The following FBLN7 variants were observed in gnomAD, a reference collection of about 807,000 sequenced individuals.
FBLN7 encodes fibulin 7.
In FBLN7, 31 loss-of-function variants were observed where a neutral mutation model predicts 44.0. The observed-to-expected ratio is 0.70, with a 90% CI of 0.53 to 0.95. The LOEUF is 0.95. Among genes scored for constraint, FBLN7 ranks in the 40% least tolerant of loss-of-function variants. FBLN7 has a pLI of 0.00. For synonymous variants in FBLN7, 262 were observed against 253.4 expected, an observed-to-expected ratio of 1.03 and a Z score of -0.32; for missense variants, 573 against 618.5, an observed-to-expected ratio of 0.93 and a Z score of 0.78.
the FBLN7 span, among the ~76,000 whole-genome samples, chr2:112,207,477 A>AG: frequency 6.6e-6 from 1 of 152,030 alleles, no homozygotes; most frequent in African/African-American, 2.4e-5. Flanking sequence ...AAAAAAAAAA[A>AG]AAAAAGAATG....
At chr2:112,231,797 TAAAAAA>T in the FBLN7 span, 1 of 1,341,984 alleles carries the variant, frequency 7.5e-7, no homozygotes, top group Non-Finnish European at 1.0e-6. Context: ...ACATATTCCT[TAAAAAA>T]GAAAAAACAA....
At chr2:112,212,612 C>G in the FBLN7 span, 1 of 152,226 alleles carries the variant, frequency 6.6e-6, no homozygotes, top group African/African-American at 2.4e-5. Context: ...GGTGAGGTAT[C>G]GCTCATCTAA....
At chr2:112,173,486 T>G (rs548886484) in intron 3 of FBLN7, among the ~76,000 whole-genome samples, 8 of 151,536 alleles carry the variant, frequency 5.3e-5, no homozygotes, top group Non-Finnish European at 1.0e-4. Context: ...GGAAATGAGT[T>G]GATAGAACCC....
chr2:112,219,560 T>G, the FBLN7 span, among the ~76,000 whole-genome samples: 1 of 152,222 alleles, frequency 6.6e-6, no homozygotes, highest in African/African-American at 2.4e-5. Context: ...CCAGGTTAAC[T>G]TCCATGTAAT....
intron 1 of FBLN7, among the ~76,000 whole-genome samples, chr2:112,144,331 T>G (rs1483935055): frequency 6.6e-6 from 1 of 152,216 alleles, no homozygotes; most frequent in Non-Finnish European, 1.5e-5. Context: ...TATTTTATTT[T>G]CACATTGAAA....
the FBLN7 span, chr2:112,212,988 T>TTTTTTTTTTTTTC: frequency 8.6e-6 from 1 of 115,644 alleles, no homozygotes; most frequent in South Asian, 2.6e-4. Flanking sequence ...TTTTTTTTTT[T>TTTTTTTTTTTTTC]ATAAGAGACA....
intron 2 of FBLN7, among the ~76,000 whole-genome samples, chr2:112,160,820 AC>A (rs1681816587): frequency 6.8e-6 from 1 of 146,084 alleles, no homozygotes; most frequent in Non-Finnish European, 1.5e-5. Flanking sequence ...ACACGCACAC[AC>A]AAGCACGCAT....
intron 3 of FBLN7, among the ~76,000 whole-genome samples, chr2:112,174,231 A>G (rs529069171): frequency 4.5e-4 from 68 of 152,362 alleles, no homozygotes; most frequent in Non-Finnish European, 7.2e-4. Context: ...GCATTTGTGT[A>G]CAGTCATTTC....
chr2:112,226,605 AGC>A, the FBLN7 span, among the ~76,000 whole-genome samples: 3 of 150,020 alleles, frequency 2.0e-5, no homozygotes, highest in South Asian at 2.1e-4. Flanking sequence ...AAAAAAAAAA[AGC>A]TCAGGCCCAG....
chr2:112,187,066 C>T lies in FBLN7; in HGVS notation c.948-68C>T, dbSNP rs1038928820. On this transcript the variant is annotated intron_variant, in intron 7 of 7. Transcript: ENST00000331203. This position sits in a 1 kb window ranked among gnomAD's most constrained non-coding sequence, Gnocchi z 5.1. ...CCTCTGCAAGAGGGCAGGTGGGCAG[C>T]CGGGTCAGAGCAGCTCTTCATGAGA... The T allele has an allele frequency of 2.6e-5, 40 of 1,556,718 alleles. No individual in the cohort carries two copies. The highest frequency in any genetic ancestry group is 3.4e-5 in the Non-Finnish European group (39 of 1,148,630).
rs2104574559 is a variant in FBLN7 at position 112,165,078 on chromosome 2, T to G, written c.313T>G (p.Phe105Val). 6.2e-7 allele frequency: 1 copy of G among 1,614,076 alleles called. No homozygotes were observed. The highest frequency in any genetic ancestry group is 2.2e-5 in the East Asian group (1 of 44,878). Residue 105 changes from phenylalanine (F) to valine (V), a missense_variant, in exon 3 of 8, where the codon TTT (phenylalanine) becomes GTT (valine). Physicochemically the swap from Phe to Val is conservative, Grantham distance 50. Coordinates refer to ENST00000331203, the MANE Select transcript of FBLN7 (RefSeq NM_153214.3). The stretch of plus-strand genomic sequence containing the variant: ...GTACTTAGTGGATCACGAAGTCCAT[T>G]TTACCTGCAACCCTGGGTTCCGGCT... Reference protein sequence around the residue: ...SKYLVDHEVHFTCNPGFRLVG... With the variant: ...SKYLVDHEVHVTCNPGFRLVG...
At chr2:112,168,462 C>G (rs547416623) in intron 3 of FBLN7, among the ~76,000 whole-genome samples, 27 of 152,342 alleles carry the variant, frequency 1.8e-4, no homozygotes, top group African/African-American at 6.5e-4. Context: ...GCTGCTCCAG[C>G]AGCTGCTGGC....
the FBLN7 span, among the ~76,000 whole-genome samples, chr2:112,227,939 G>C: frequency 6.6e-6 from 1 of 151,686 alleles, no homozygotes; most frequent in African/African-American, 2.4e-5. Context: ...TGTACAAGCT[G>C]ATCTTAAAAC....
chr2:112,180,228 T>C (rs971661183), intron 4 of FBLN7, among the ~76,000 whole-genome samples: 13 of 151,840 alleles, frequency 8.6e-5, no homozygotes, highest in Non-Finnish European at 1.0e-4. Context: ...AACAAGCATA[T>C]GGAAAAAAAA....
At chr2:112,171,624 G>A (rs1231860070) in intron 3 of FBLN7, among the ~76,000 whole-genome samples, 1 of 152,128 alleles carries the variant, frequency 6.6e-6, no homozygotes, top group African/African-American at 2.4e-5. Flanking sequence ...ATGAAAAAAA[G>A]ATGAATTTCC....
At chr2:112,150,934 G>A (rs1681127743) in intron 1 of FBLN7, among the ~76,000 whole-genome samples, 1 of 152,196 alleles carries the variant, frequency 6.6e-6, no homozygotes, top group Admixed American at 6.5e-5. Context: ...CCTAAGCGGG[G>A]TGCTGCATTG....
At chr2:112,160,157 A>AT (rs1268511064) in intron 2 of FBLN7, among the ~76,000 whole-genome samples, 14 of 151,968 alleles carry the variant, frequency 9.2e-5, no homozygotes, top group East Asian at 1.9e-4. Flanking sequence ...CGCCCGGCTA[A>AT]TTTTTTGTAT....
the FBLN7 span, among the ~76,000 whole-genome samples, chr2:112,228,483 A>G: frequency 1.0e-3 from 154 of 151,880 alleles, no homozygotes; most frequent in African/African-American, 3.6e-3. Flanking sequence ...GTCTGGCAAC[A>G]GAGTGAGACT....
the FBLN7 span, among the ~76,000 whole-genome samples, chr2:112,198,290 G>A: frequency 6.6e-6 from 1 of 152,090 alleles, no homozygotes; most frequent in East Asian, 1.9e-4. Flanking sequence ...CTTTTGGGAG[G>A]TGATTAGTTT....
Sources: gnomAD v4.1 joint callset for allele counts (sites outside exome capture counted in the v4.1 genomes callset) on GRCh38, gnomAD v4.1.1 for gene constraint, Gnocchi (gnomAD v3.1) non-coding constraint, MANE v1.5 for transcripts, NCBI Gene and HGNC (gene_info 2026-07-23, HGNC 2026-07-21) for gene names.